The following ELMO1 variants were observed in gnomAD, a reference collection of about 807,000 sequenced individuals.
The protein encoded by ELMO1 is engulfment and cell motility 1.
ELMO1 carries 26 observed loss-of-function variants against 98.9 expected under a neutral mutation model. That is an observed-to-expected ratio of 0.26 (90% CI 0.19 to 0.36). The LOEUF is 0.36. Ranked by LOEUF, ELMO1 falls within the 10% of genes least tolerant of loss-of-function variation. The pLI is 1.00. For synonymous variants in ELMO1, 346 were observed against 346.0 expected (o/e 1.00, Z 0.00); for missense variants, 627 against 935.2 (o/e 0.67, Z 4.30).
intron 5 of ELMO1, among the ~76,000 whole-genome samples, chr7:37,262,775 A>G (rs734044): frequency 0.32 from 48,553 of 152,108 alleles, 7,848 homozygotes; most frequent in Middle Eastern, 0.43. Context: ...CCAGGAGTCC[A>G]AGGCAGGGCT....
chr7:37,041,650 T>A lies in ELMO1; in HGVS notation c.1301-28215A>T, dbSNP rs564909076. Among the ~76,000 whole-genome samples the A allele has an allele frequency of 1.1e-3, 161 of 151,888 alleles. 1 individual carries two copies. Among genetic ancestry groups the A allele is most frequent in the Non-Finnish European group, 1.8e-3 (123 of 67,944 alleles). Reference sequence around the variant, plus strand: ...ATACGTGTAAAATAAATGCATAAATTTAAATTGAAGTCACAGCCCCTGAAA... The same window carrying A: ...ATACGTGTAAAATAAATGCATAAATATAAATTGAAGTCACAGCCCCTGAAA... On this transcript the variant is annotated intron_variant, in intron 15 of 21. Transcript: ENST00000310758.
intron 13 of ELMO1, among the ~76,000 whole-genome samples, chr7:37,174,232 C>T (rs1790371729): frequency 6.6e-6 from 1 of 152,142 alleles, no homozygotes; most frequent in South Asian, 2.1e-4. Context: ...GCCCAGCGGT[C>T]ATCTCACGTT....
At chr7:37,246,527 A>G (rs957423996) in intron 6 of ELMO1, among the ~76,000 whole-genome samples, 53 of 152,352 alleles carry the variant, frequency 3.5e-4, no homozygotes, top group African/African-American at 1.2e-3. Context: ...GGGAAAAAAA[A>G]TCACAACCAT....
At chr7:37,116,618 C>T (rs73335584) in intron 14 of ELMO1, among the ~76,000 whole-genome samples, 21,263 of 151,440 alleles carry the variant, frequency 0.14, 1,857 homozygotes, top group African/African-American at 0.25. Flanking sequence ...CTTAGCTTCA[C>T]TTTTTTCTCA....
chr7:37,139,877 C>CAATAG (rs1471601949), intron 13 of ELMO1, among the ~76,000 whole-genome samples: 1 of 151,906 alleles, frequency 6.6e-6, no homozygotes, highest in Non-Finnish European at 1.5e-5. Flanking sequence ...GCACATAGAC[C>CAATAG]AATAGAATAG....
chr7:37,162,580 T>C (rs1789299168), intron 13 of ELMO1, among the ~76,000 whole-genome samples: 1 of 152,130 alleles, frequency 6.6e-6, no homozygotes. Flanking sequence ...TAATGACAAG[T>C]AGTAACTATT....
At chr7:36,859,490 C>A (rs545130625) in intron 21 of ELMO1, among the ~76,000 whole-genome samples, 1 of 152,272 alleles carries the variant, frequency 6.6e-6, no homozygotes, top group Non-Finnish European at 1.5e-5. Flanking sequence ...ATTGTAGAAA[C>A]TGAGTGATGG....
intron 14 of ELMO1, among the ~76,000 whole-genome samples, chr7:37,106,926 G>T (rs1484083327): frequency 1.3e-5 from 2 of 152,142 alleles, no homozygotes; most frequent in Non-Finnish European, 2.9e-5. Context: ...GGTGTGGGTT[G>T]GGACCTGAGG....
intron 15 of ELMO1, chr7:37,033,425 AG>A (rs1340941830): frequency 2.2e-6 from 1 of 456,378 alleles, no homozygotes; most frequent in African/African-American, 2.0e-5. Flanking sequence ...ATGAAAACAA[AG>A]CTTTATTATC....
chr7:36,880,258 C>T (rs192970675), intron 18 of ELMO1, among the ~76,000 whole-genome samples: 31 of 152,260 alleles, frequency 2.0e-4, no homozygotes, highest in South Asian at 8.3e-4. Flanking sequence ...TTGGCCTGTG[C>T]TTTATAGGAA....
chr7:37,378,314 T>C (rs1802441863), intron 1 of ELMO1, among the ~76,000 whole-genome samples: 1 of 152,050 alleles, frequency 6.6e-6, no homozygotes, highest in Non-Finnish European at 1.5e-5. Context: ...CAGATAAAGC[T>C]CCCCGTTCTC....
intron 1 of ELMO1, among the ~76,000 whole-genome samples, chr7:37,438,125 G>A (rs1015044710): frequency 6.6e-6 from 1 of 151,976 alleles, no homozygotes; most frequent in Non-Finnish European, 1.5e-5. Flanking sequence ...CTCTTTCCCT[G>A]CCAACCCCAC....
intron 16 of ELMO1, among the ~76,000 whole-genome samples, chr7:36,900,065 C>T (rs1021555920): frequency 6.6e-6 from 1 of 152,150 alleles, no homozygotes; most frequent in Admixed American, 6.5e-5. Context: ...GGTAGGAATG[C>T]AACTTTGTGG....
chr7:37,285,811 G>A (rs892105539), intron 4 of ELMO1, among the ~76,000 whole-genome samples: 2 of 152,112 alleles, frequency 1.3e-5, no homozygotes, highest in Admixed American at 1.3e-4. Flanking sequence ...CGAGTTGAGC[G>A]AACCACGTTG....
intron 18 of ELMO1, among the ~76,000 whole-genome samples, chr7:36,885,105 G>C (rs1366820266): frequency 6.6e-6 from 1 of 152,186 alleles, no homozygotes; most frequent in Non-Finnish European, 1.5e-5. Flanking sequence ...TTTAAGCACA[G>C]AGCCAGTCAC....
chr7:37,074,189 T>C (rs972568198), intron 15 of ELMO1, among the ~76,000 whole-genome samples: 1 of 148,314 alleles, frequency 6.7e-6, no homozygotes, highest in Non-Finnish European at 1.5e-5. Context: ...ATATATTTTA[T>C]ATATGCATAA....
At chr7:37,305,974 A>G (rs1029887808) in intron 4 of ELMO1, among the ~76,000 whole-genome samples, 1 of 152,218 alleles carries the variant, frequency 6.6e-6, no homozygotes, top group African/African-American at 2.4e-5. Context: ...GTAGAGATTT[A>G]TAAGAGGACT....
At chr7:36,967,800 T>G (rs1257362316) in intron 16 of ELMO1, among the ~76,000 whole-genome samples, 1 of 152,194 alleles carries the variant, frequency 6.6e-6, no homozygotes, top group Non-Finnish European at 1.5e-5. Context: ...ATCTTCTCCC[T>G]CCACCTCTCA....
At chr7:36,978,187 A>C (rs1790749772) in intron 16 of ELMO1, among the ~76,000 whole-genome samples, 1 of 152,170 alleles carries the variant, frequency 6.6e-6, no homozygotes, top group Non-Finnish European at 1.5e-5. Context: ...ACCTGTAATA[A>C]GGTAACTGCA....
Sources: gnomAD v4.1 joint callset for allele counts (sites outside exome capture counted in the v4.1 genomes callset) on GRCh38, gnomAD v4.1.1 for gene constraint, MANE v1.5 for transcripts, NCBI Gene and HGNC (gene_info 2026-07-23, HGNC 2026-07-21) for gene names.